The following CACNB4 variants were observed in gnomAD, a reference collection of about 807,000 sequenced individuals.
The protein encoded by CACNB4 is voltage-dependent L-type calcium channel subunit beta-4.
Under a neutral mutation model 71.2 loss-of-function variants are expected in CACNB4, and 32 were observed. That is an observed-to-expected ratio of 0.45 (90% CI 0.34 to 0.60). The LOEUF (loss-of-function observed/expected upper bound fraction) is 0.60, where lower values mean the gene tolerates loss of function less well. Among genes scored for constraint, CACNB4 ranks in the 20% least tolerant of loss-of-function variants. The pLI, the probability that CACNB4 is intolerant of heterozygous loss-of-function variation, is 0.01. For synonymous variants in CACNB4, 231 were observed against 236.9 expected, an observed-to-expected ratio of 0.97 and a Z score of 0.23; for missense variants, 464 against 647.9, an observed-to-expected ratio of 0.72 and a Z score of 3.08.
intron 4 of CACNB4, among the ~76,000 whole-genome samples, chr2:151,878,050 T>C (rs2099846886): frequency 6.6e-6 from 1 of 152,208 alleles, no homozygotes; most frequent in Non-Finnish European, 1.5e-5. Context: ...CTTCCTTTAC[T>C]GTTTTTATCA....
intron 2 of CACNB4, chr2:151,969,262 T>C (rs963678338): frequency 6.6e-6 from 1 of 152,242 alleles, no homozygotes; most frequent in Non-Finnish European, 1.5e-5. Flanking sequence ...CCAGAAGAGA[T>C]GCTCTGATCC....
chr2:151,985,683 T>C (rs1423865332), intron 2 of CACNB4, among the ~76,000 whole-genome samples: 4 of 152,166 alleles, frequency 2.6e-5, no homozygotes, highest in East Asian at 3.9e-4. Context: ...TTCTTTTTTT[T>C]TTTTTTGCCA....
intron 2 of CACNB4, among the ~76,000 whole-genome samples, chr2:152,020,930 C>T (rs1048506383): frequency 1.3e-5 from 2 of 152,156 alleles, no homozygotes; most frequent in African/African-American, 2.4e-5. Flanking sequence ...TAAAATAACT[C>T]GGAAACTACT....
chr2:152,077,531 C>T (rs1013822708), intron 2 of CACNB4, among the ~76,000 whole-genome samples: 15 of 152,004 alleles, frequency 9.9e-5, no homozygotes, highest in Admixed American at 3.9e-4. Context: ...CCAGCCTGGG[C>T]GACAGAGCAA....
At chr2:152,097,635 A>C (rs1328343605) in intron 2 of CACNB4, among the ~76,000 whole-genome samples, 2 of 152,202 alleles carry the variant, frequency 1.3e-5, no homozygotes, top group Non-Finnish European at 2.9e-5. Flanking sequence ...AGCGATCCGG[A>C]GATCCCGAGC....
At chr2:152,047,681 G>A (rs1022647905) in intron 2 of CACNB4, among the ~76,000 whole-genome samples, 3 of 152,168 alleles carry the variant, frequency 2.0e-5, no homozygotes, top group Non-Finnish European at 4.4e-5. Flanking sequence ...ATCACTTGAG[G>A]TCAGGAGTTT....
intron 2 of CACNB4, among the ~76,000 whole-genome samples, chr2:151,961,633 G>A (rs965537191): frequency 1.3e-5 from 2 of 152,166 alleles, no homozygotes; most frequent in African/African-American, 4.8e-5. Context: ...GCTTATGGCT[G>A]TAATCTTAGC....
chr2:152,031,619 A>T (rs1684289121), intron 2 of CACNB4, among the ~76,000 whole-genome samples: 1 of 152,088 alleles, frequency 6.6e-6, no homozygotes, highest in African/African-American at 2.4e-5. Flanking sequence ...GATGGAGCTC[A>T]GGTCTCCTCA....
chr2:151,950,351 C>A (rs75208081), intron 2 of CACNB4, among the ~76,000 whole-genome samples: 4,084 of 152,296 alleles, frequency 0.027, 51 homozygotes, highest in African/African-American at 0.033. Context: ...TTGATGTCTG[C>A]TCTAAAGATC....
chr2:152,020,578 T>A (rs1683604140), intron 2 of CACNB4, among the ~76,000 whole-genome samples: 1 of 152,090 alleles, frequency 6.6e-6, no homozygotes, highest in East Asian at 1.9e-4. Flanking sequence ...TTGTGGGGAG[T>A]TAGTAGGTTT....
chr2:151,849,564 T>C (rs1420002945), intron 12 of CACNB4, among the ~76,000 whole-genome samples: 2 of 152,114 alleles, frequency 1.3e-5, no homozygotes, highest in Non-Finnish European at 2.9e-5. Context: ...GCACTCACCA[T>C]GCACCCAGCT....
At chr2:152,020,795 C>T (rs6433779) in intron 2 of CACNB4, among the ~76,000 whole-genome samples, 65,096 of 152,026 alleles carry the variant, frequency 0.43, 16,065 homozygotes, top group Non-Finnish European at 0.57. Context: ...AAGGCATTCC[C>T]TTGTCTGAAA....
intron 2 of CACNB4, among the ~76,000 whole-genome samples, chr2:151,916,119 G>A (rs1437051848): frequency 3.3e-5 from 5 of 152,178 alleles, no homozygotes; most frequent in Non-Finnish European, 2.9e-5. Context: ...CTGGTTGCCA[G>A]TGAAGGATTC....
At chr2:151,865,486 A>G (rs1226617230) in intron 9 of CACNB4, among the ~76,000 whole-genome samples, 2 of 152,232 alleles carry the variant, frequency 1.3e-5, no homozygotes, top group Non-Finnish European at 2.9e-5. Flanking sequence ...CAAAAGCCTA[A>G]AGTAACAACT....
chr2:152,097,519 C>T (rs981052331), intron 2 of CACNB4, among the ~76,000 whole-genome samples: 1 of 152,162 alleles, frequency 6.6e-6, no homozygotes, highest in African/African-American at 2.4e-5. Context: ...ATCTCTCTAG[C>T]ACCCAGCAGC....
chr2:151,883,932 C>T (rs149718542), intron 2 of CACNB4: 1 of 176,262 alleles, frequency 5.7e-6, no homozygotes, highest in Non-Finnish European at 1.2e-5. Flanking sequence ...TCAACAAGAA[C>T]ACTGAGCAGA....
At chr2:151,975,005 C>A (rs1434179689) in intron 2 of CACNB4, among the ~76,000 whole-genome samples, 3 of 152,196 alleles carry the variant, frequency 2.0e-5, no homozygotes, top group Admixed American at 2.0e-4. Context: ...CCTGTATCAG[C>A]TTTGCCACTA....
At chr2:151,841,845 T>C in intron 13 of CACNB4, 58 bp downstream of exon 13, 2 of 1,467,732 alleles carry the variant, frequency 1.4e-6, no homozygotes, top group Non-Finnish European at 1.9e-6. Flanking sequence ...CCTAATCAAG[T>C]TCCCATAGAA....
chr2:151,989,248 G>A (rs1490508067), intron 2 of CACNB4, among the ~76,000 whole-genome samples: 1 of 152,086 alleles, frequency 6.6e-6, no homozygotes, highest in Non-Finnish European at 1.5e-5. Context: ...CACTTCCCTG[G>A]CCTTGCCTCT....
Sources: gnomAD v4.1 joint callset for allele counts (sites outside exome capture counted in the v4.1 genomes callset) on GRCh38, gnomAD v4.1.1 for gene constraint, MANE v1.5 for transcripts, NCBI Gene and HGNC (gene_info 2026-07-23, HGNC 2026-07-21) for gene names.